Variants in SSH2 observed in about 807,000 individuals in gnomAD.
SSH2 encodes protein phosphatase Slingshot homolog 2.
SSH2 carries 37 observed loss-of-function variants against 135.2 expected under a neutral mutation model. That is an observed-to-expected ratio of 0.27 (90% CI 0.21 to 0.36). The LOEUF is 0.36. Among genes scored for constraint, SSH2 ranks in the 10% least tolerant of loss-of-function variants. The pLI is 1.00. For synonymous variants in SSH2, 628 were observed against 646.2 expected, an observed-to-expected ratio of 0.97 and a Z score of 0.43; for missense variants, 1,408 against 1,765.3, an observed-to-expected ratio of 0.80 and a Z score of 3.63.
At chr17:29,779,539 A>G (rs1409237894) in intron 3 of SSH2, among the ~76,000 whole-genome samples, 5 of 152,182 alleles carry the variant, frequency 3.3e-5, no homozygotes, top group Non-Finnish European at 7.3e-5. Flanking sequence ...AGAAAGGCCC[A>G]CAGCAAAAGA....
chr17:29,861,541 A>C (rs1447282845), intron 1 of SSH2, among the ~76,000 whole-genome samples: 3 of 151,402 alleles, frequency 2.0e-5, no homozygotes, highest in African/African-American at 7.3e-5. Flanking sequence ...ACTGGAGGCC[A>C]TTATTCTGCC....
At chr17:29,739,819 A>C (rs978279584) in intron 3 of SSH2, among the ~76,000 whole-genome samples, 40 of 152,236 alleles carry the variant, frequency 2.6e-4, no homozygotes, top group African/African-American at 9.4e-4. Context: ...GCGTTCTCAC[A>C]GTAAGCAAAG....
chr17:29,878,050 A>G (rs534489608), intron 1 of SSH2, among the ~76,000 whole-genome samples: 2 of 152,072 alleles, frequency 1.3e-5, no homozygotes, highest in East Asian at 3.9e-4. Context: ...ATGCCACTGC[A>G]CTCCAGCCTA....
chr17:29,769,725 T>A (rs2041526885), intron 3 of SSH2, among the ~76,000 whole-genome samples: 1 of 152,176 alleles, frequency 6.6e-6, no homozygotes, highest in Non-Finnish European at 1.5e-5. Context: ...AACATTGAGT[T>A]GATAAGAAGC....
chr17:29,668,990 T>C (rs111747247), intron 9 of SSH2, among the ~76,000 whole-genome samples: 7,653 of 152,182 alleles, frequency 0.05, 341 homozygotes, highest in African/African-American at 0.12. Context: ...AGCTCACACC[T>C]ATAATCCCAG....
intron 3 of SSH2, among the ~76,000 whole-genome samples, chr17:29,738,100 C>T (rs541028335): frequency 2.0e-5 from 3 of 152,122 alleles, no homozygotes; most frequent in South Asian, 2.1e-4. Flanking sequence ...ACAAGGGGCC[C>T]GGGTGTGTGA....
At chr17:29,691,029 G>C in intron 5 of SSH2, among the ~76,000 whole-genome samples, 1 of 151,482 alleles carries the variant, frequency 6.6e-6, no homozygotes, top group East Asian at 1.9e-4. Flanking sequence ...TGCTGAGAAC[G>C]ATTTTCTCAG....
At chr17:29,655,158 C>T (rs1025761334) in intron 12 of SSH2, among the ~76,000 whole-genome samples, 2 of 151,888 alleles carry the variant, frequency 1.3e-5, no homozygotes, top group African/African-American at 4.8e-5. Flanking sequence ...GGCTGGAGTG[C>T]AGTGGCGTGA....
At chr17:29,771,221 T>G (rs1159729687) in intron 3 of SSH2, among the ~76,000 whole-genome samples, 3 of 152,258 alleles carry the variant, frequency 2.0e-5, no homozygotes, top group Non-Finnish European at 2.9e-5. Context: ...CATATTTATA[T>G]AGACAACAAT....
At chr17:29,908,869 G>GAGATC (rs2066709804) in intron 1 of SSH2, among the ~76,000 whole-genome samples, 1 of 151,456 alleles carries the variant, frequency 6.6e-6, no homozygotes, top group Non-Finnish European at 1.5e-5. Flanking sequence ...ATGAGGTCAG[G>GAGATC]AGATCGAGAC....
chr17:29,684,536 T>TC, intron 6 of SSH2, 27 bp downstream of exon 6: 1 of 1,581,446 alleles, frequency 6.3e-7, no homozygotes, highest in Non-Finnish European at 8.6e-7. Flanking sequence ...AAAGCAGTTT[T>TC]CACATTTTGA....
At chr17:29,658,132 T>C (rs1272902169) in intron 11 of SSH2, among the ~76,000 whole-genome samples, 1 of 151,538 alleles carries the variant, frequency 6.6e-6, no homozygotes, top group Admixed American at 6.6e-5. Flanking sequence ...GCCTCCTGAG[T>C]AGCTGGGATT....
At chr17:29,799,203 C>A (rs1028720696) in intron 2 of SSH2, among the ~76,000 whole-genome samples, 1 of 152,070 alleles carries the variant, frequency 6.6e-6, no homozygotes. Flanking sequence ...TAGATTGTTT[C>A]TATTTTTTTG....
At chr17:29,652,686 C>T (rs1271510736) in intron 12 of SSH2, among the ~76,000 whole-genome samples, 1 of 152,094 alleles carries the variant, frequency 6.6e-6, no homozygotes, top group East Asian at 1.9e-4. Flanking sequence ...AAGATGGAGG[C>T]TTGCTCTGTC....
At chr17:29,704,806 C>A (rs2039134008) in intron 3 of SSH2, among the ~76,000 whole-genome samples, 1 of 151,708 alleles carries the variant, frequency 6.6e-6, no homozygotes. Flanking sequence ...ACTAAATAAG[C>A]CTTTCAAGTT....
At chr17:29,676,796 T>G (rs548621833) in intron 8 of SSH2, 24 bp downstream of exon 8, 1 of 1,581,360 alleles carries the variant, frequency 6.3e-7, no homozygotes, top group South Asian at 1.1e-5. Flanking sequence ...AACACTTTTG[T>G]AGAGATAGTA....
At chr17:29,851,915 C>T (rs2065568694) in intron 1 of SSH2, among the ~76,000 whole-genome samples, 1 of 152,072 alleles carries the variant, frequency 6.6e-6, no homozygotes, top group Non-Finnish European at 1.5e-5. Flanking sequence ...AAAAATTAAA[C>T]CAAATTACAC....
chr17:29,791,155 G>A (rs905980368), intron 3 of SSH2, among the ~76,000 whole-genome samples: 5 of 150,928 alleles, frequency 3.3e-5, no homozygotes, highest in East Asian at 2.0e-4. Context: ...GCTTGATCTC[G>A]GCTCACTGCA....
chr17:29,900,318 A>G (rs1219580477), intron 1 of SSH2, among the ~76,000 whole-genome samples: 1 of 152,198 alleles, frequency 6.6e-6, no homozygotes, highest in African/African-American at 2.4e-5. Flanking sequence ...TGCACAGCAA[A>G]AGAAACTACC....
Sources: allele counts gnomAD v4.1 joint callset (sites outside exome capture counted in the v4.1 genomes callset), GRCh38; gene constraint gnomAD v4.1.1; transcripts MANE v1.5; gene names NCBI Gene and HGNC (gene_info 2026-07-23, HGNC 2026-07-21).